Variants in SNX32 observed in about 807,000 individuals in gnomAD.
SNX32 encodes the protein sorting nexin 32.
Under a neutral mutation model 57.0 loss-of-function variants are expected in SNX32, and 58 were observed. That is an observed-to-expected ratio of 1.02 (90% confidence interval 0.82 to 1.27). SNX32 has a LOEUF of 1.27. SNX32 is among the 50% of genes most tolerant of loss of function. SNX32 has a pLI of 0.00. For synonymous variants in SNX32, 262 were observed against 220.4 expected (o/e 1.19, Z -1.67); for missense variants, 589 against 541.2 (o/e 1.09, Z -0.88).
chr11:65,842,542 A>G (rs1393243202), intron 1 of SNX32, among the ~76,000 whole-genome samples: 1 of 152,124 alleles, frequency 6.6e-6, no homozygotes, highest in East Asian at 1.9e-4. Context: ...AATCCCAGCT[A>G]CTTGGGAGGC....
chr11:65,852,726 GCCGAGAGCCA>G lies in SNX32; in HGVS notation c.1012_1021del (p.Glu338SerfsTer50). The G allele has an allele frequency of 6.2e-7, 1 of 1,603,752 alleles. No individual in the cohort carries two copies. The highest frequency in any genetic ancestry group is 8.5e-7 in the Non-Finnish European group (1 of 1,178,002). On this transcript the variant is annotated frameshift_variant, in exon 11 of 13. Transcript: ENST00000308342. LOFTEE classifies it high-confidence loss of function. Reference sequence around the variant, plus strand: ...CACCAGGAACCGGGAGGTGCGGCCCGCCGAGAGCCACCAGCAGCTGTGCTGCCAACGCTTC... The same window carrying G: ...CACCAGGAACCGGGAGGTGCGGCCCGCCAGCAGCTGTGCTGCCAACGCTTC...
At chr11:65,849,632 G>A (rs1270771225) in intron 2 of SNX32, 50 bp downstream of exon 2, 2 of 1,389,742 alleles carry the variant, frequency 1.4e-6, no homozygotes, top group Non-Finnish European at 1.9e-6. Context: ...GCCCGCAGGA[G>A]GCCTCCCCCA....
At chr11:65,850,643 G>A in intron 5 of SNX32, 89 bp downstream of exon 5, 1 of 1,556,442 alleles carries the variant, frequency 6.4e-7, no homozygotes, top group Non-Finnish European at 8.7e-7. Flanking sequence ...GCTGGAGAAG[G>A]GGCCCAAGTG....
chr11:65,850,633 GC>G, intron 5 of SNX32, 79 bp downstream of exon 5: 1 of 1,559,088 alleles, frequency 6.4e-7, no homozygotes, highest in Non-Finnish European at 8.7e-7. Flanking sequence ...GGGTGGCAGG[GC>G]TGGAGAAGGG....
At chr11:65,839,223 G>GTTTGTTTTTTTTTTTTTTTT (rs755185237) in intron 1 of SNX32, among the ~76,000 whole-genome samples, 1 of 23,076 alleles carries the variant, frequency 4.3e-5, no homozygotes, top group Admixed American at 7.7e-4. Flanking sequence ...TAATTTTTTT[G>GTTTGTTTTTTTTTTTTTTTT]TATTTTTTTT....
At chr11:65,846,405 A>G (rs1411758491) in intron 1 of SNX32, among the ~76,000 whole-genome samples, 1 of 151,352 alleles carries the variant, frequency 6.6e-6, no homozygotes, top group Admixed American at 6.6e-5. Flanking sequence ...CATCTCTACT[A>G]AAAATACAAA....
rs755623034 is a variant in SNX32, at chr11:65,851,681, T to G, written c.825+2T>G. ...GCAGAGCTCTTTGAACGGCTGAGGG[T>G]GAGTACTGCCTTCTGTGCTCAAAGG... On this transcript the variant is annotated splice_donor_variant, in intron 9 of 12. Coordinates refer to ENST00000308342, the MANE Select transcript of SNX32 (RefSeq NM_152760.3). LOFTEE classifies it high-confidence loss of function. The G allele has an allele frequency of 6.2e-6, 10 of 1,613,988 alleles. No homozygotes were observed. Among genetic ancestry groups the G allele is most frequent in the Non-Finnish European group, 8.5e-6 (10 of 1,179,946 alleles).
At chr11:65,838,218 GA>G (rs1454870867) in intron 1 of SNX32, among the ~76,000 whole-genome samples, 1 of 151,110 alleles carries the variant, frequency 6.6e-6, no homozygotes, top group Non-Finnish European at 1.5e-5. Context: ...AGGAAGGAAG[GA>G]AGGAAGGAGA....
At position 65,850,458 on chromosome 11, in the gene SNX32, A is replaced by G; in HGVS notation, c.402A>G (p.Thr134=). The G allele has an allele frequency of 6.2e-7, 1 of 1,614,230 alleles. No homozygotes were observed. The change falls in exon 5 of 13, where the codon ACA becomes ACG. Residue 134 remains threonine, a synonymous_variant. Coordinates refer to ENST00000308342, the MANE Select transcript of SNX32 (RefSeq NM_152760.3). Reference sequence around the variant, plus strand: ...AGTACCTGGCCATCTTTAAGAAGACAGTTGCGATGCACGAAGTCTTTCTGC... The same window carrying G: ...AGTACCTGGCCATCTTTAAGAAGACGGTTGCGATGCACGAAGTCTTTCTGC... ...EAEYLAIFKK[T]VAMHEVFLQR...
rs1160029336 is a variant in SNX32 at position 65,850,284 on chromosome 11, T to C, written c.374+13T>C. Reference sequence around the variant, plus strand: ...AGGAGCTGGAAGCGTGAGTGCCCCCTCCTTTCCCTGCCATCCCCAGAGTCC... The same window carrying C: ...AGGAGCTGGAAGCGTGAGTGCCCCCCCCTTTCCCTGCCATCCCCAGAGTCC... On this transcript the variant is annotated intron_variant, in intron 4 of 12. Transcript: ENST00000308342. 1 of 1,613,972 alleles carries C rather than the reference T, an allele frequency of 6.2e-7. No homozygotes were observed. The highest frequency in any genetic ancestry group is 8.5e-7 in the Non-Finnish European group (1 of 1,180,026).
intron 6 of SNX32, 99 bp from the exon 7 acceptor site, chr11:65,850,956 C>T: frequency 6.7e-7 from 1 of 1,498,774 alleles, no homozygotes; most frequent in Non-Finnish European, 9.3e-7. Context: ...CTGGTGGGGC[C>T]TGGCCTGGTT....
rs1231888942 is a variant in SNX32, at chr11:65,850,045, G to A, written c.252+15G>A. 6.2e-7 allele frequency: 1 copy of A among 1,614,156 alleles called. No homozygotes were observed. Among genetic ancestry groups the A allele is most frequent in the Non-Finnish European group, 8.5e-7 (1 of 1,179,982 alleles). On this transcript the variant is annotated intron_variant, in intron 3 of 12. Coordinates refer to ENST00000308342, the MANE Select transcript of SNX32 (RefSeq NM_152760.3). ...CCGGCCTCATCGTGAGGAGGGGCTG[G>A]GCAGGGGCTGGGAGGGACAGGCAGA...
intron 12 of SNX32, 87 bp downstream of exon 12, chr11:65,853,045 G>T (rs1195111395): frequency 1.4e-6 from 2 of 1,427,940 alleles, no homozygotes. Flanking sequence ...GTGCGTGCAT[G>T]TGAGGGTGTG....
rs1289089437 is a variant in SNX32 at position 65,844,574 on chromosome 11, G to A, written c.37-4904G>A. On this transcript the variant is annotated intron_variant, in intron 1 of 12. Coordinates refer to ENST00000308342, the MANE Select transcript of SNX32 (RefSeq NM_152760.3). ...ATTGGTTTAGTCACCTTAGAAAACCGTTTGGCAGTATTTACTAAAGTGTTT... is the reference window on the plus strand; with the variant it reads ...ATTGGTTTAGTCACCTTAGAAAACCATTTGGCAGTATTTACTAAAGTGTTT... Among the ~76,000 whole-genome samples, 7 of 152,218 alleles carry A rather than the reference G, an allele frequency of 4.6e-5. No homozygotes were observed. In the South Asian group the frequency reaches 1.0e-3, roughly 23 times the overall value.
chr11:65,851,311 G>C lies in SNX32; in HGVS notation c.710-17G>C. On this transcript the variant is annotated splice_polypyrimidine_tract_variant and intron_variant, in intron 7 of 12. Coordinates refer to ENST00000308342, the MANE Select transcript of SNX32 (RefSeq NM_152760.3). ...CATGCAGATGTAGGGGCTCTGATGG[G>C]GGCTGTTCCCCAACAGGCCTGGCAG... is the stretch of plus-strand genomic sequence containing the variant. 2 of 1,613,914 alleles carry C rather than the reference G, an allele frequency of 1.2e-6. No homozygotes were observed. Among genetic ancestry groups the C allele is most frequent in the South Asian group, 1.1e-5 (1 of 91,086 alleles).
intron 1 of SNX32, among the ~76,000 whole-genome samples, chr11:65,839,223 G>GTTTTTTTGTTTTTTTTTTTTTTT (rs755185237): frequency 4.3e-5 from 1 of 23,078 alleles, no homozygotes; most frequent in Non-Finnish European, 7.1e-5. Flanking sequence ...TAATTTTTTT[G>GTTTTTTTGTTTTTTTTTTTTTTT]TATTTTTTTT....
In SNX32 at chr11:65,834,020, G is replaced by C. The variant is rs1038868342; in HGVS notation, c.-46G>C. On this transcript the variant is annotated 5_prime_UTR_variant, in exon 1 of 13. Transcript: ENST00000308342. ...CTCGGGCGAGTTACGGGGACGACCTGCGGGAGCACGCGGGCAGTGGCCGGA... is the reference window on the plus strand; with the variant it reads ...CTCGGGCGAGTTACGGGGACGACCTCCGGGAGCACGCGGGCAGTGGCCGGA... The C allele has an allele frequency of 1.5e-5, 23 of 1,547,116 alleles. No individual in the cohort carries two copies. Among genetic ancestry groups the C allele is most frequent in the Middle Eastern group, 3.4e-4 (2 of 5,966 alleles).
At chr11:65,851,552 A>T in intron 8 of SNX32, 88 bp from the exon 9 acceptor site, 1 of 1,554,700 alleles carries the variant, frequency 6.4e-7, no homozygotes, top group Non-Finnish European at 8.9e-7. Flanking sequence ...GAAAGGGGAG[A>T]GGGAGATTCC....
chr11:65,850,760 C>G lies in SNX32; in HGVS notation c.508C>G (p.Arg170Gly), dbSNP rs751382372. ...FLEYGQDLSVRGKNRKELLGG... is the reference protein window; with the variant it reads ...FLEYGQDLSVGGKNRKELLGG... ...TCCCTGTGTGCCTCAGCTGAGTGTCCGGGGGAAGAACAGGAAGGAGCTCCT... is the reference window on the plus strand; with the variant it reads ...TCCCTGTGTGCCTCAGCTGAGTGTCGGGGGGAAGAACAGGAAGGAGCTCCT... The change falls in exon 6 of 13, where the codon CGG (arginine) becomes GGG (glycine). Residue 170 changes from arginine to glycine, a missense_variant. Arg to Gly is a moderately radical substitution (Grantham distance 125, BLOSUM62 -2). Transcript: ENST00000308342. 1 of 1,613,950 alleles carries G rather than the reference C, an allele frequency of 6.2e-7. No homozygotes were observed. Among genetic ancestry groups the G allele is most frequent in the Non-Finnish European group, 8.5e-7 (1 of 1,179,920 alleles).
Sources: gnomAD v4.1 joint callset for allele counts (sites outside exome capture counted in the v4.1 genomes callset) on GRCh38, gnomAD v4.1.1 for gene constraint, MANE v1.5 for transcripts, NCBI Gene and HGNC (gene_info 2026-07-23, HGNC 2026-07-21) for gene names.